The following SMARCA2 variants were observed in gnomAD, a reference collection of about 807,000 sequenced individuals.
SMARCA2 encodes the protein SWI/SNF-related matrix-associated actin-dependent regulator of chromatin subfamily A member 2.
A neutral mutation model predicts 199.8 loss-of-function variants in SMARCA2; 61 were observed. The observed-to-expected ratio is 0.31, with a 90% CI of 0.25 to 0.38. The LOEUF (loss-of-function observed/expected upper bound fraction) is 0.38. SMARCA2 is among the 10% of genes least tolerant of loss of function. The probability of loss-of-function intolerance (pLI) is 1.00; values close to 1 mark genes in which losing one functional copy is unlikely to be tolerated. For synonymous variants in SMARCA2, 935 were observed against 732.0 expected (o/e 1.28, Z -4.48); for missense variants, 1,344 against 2,012.2 (o/e 0.67, Z 6.35).
intron 28 of SMARCA2, among the ~76,000 whole-genome samples, chr9:2,167,511 C>T (rs1408471458): frequency 6.6e-6 from 1 of 152,226 alleles, no homozygotes; most frequent in African/African-American, 2.4e-5. Context: ...AGATACCTGC[C>T]TGGTCAGTGC....
intron 9 of SMARCA2, among the ~76,000 whole-genome samples, chr9:2,068,747 T>C (rs10121854): frequency 0.14 from 21,569 of 151,938 alleles, 1,829 homozygotes; most frequent in African/African-American, 0.23. Context: ...CTCATTATAC[T>C]ATGCAGAAAT....
At chr9:2,159,899 A>T (rs1325516139) in intron 27 of SMARCA2, 3 of 1,611,466 alleles carry the variant, frequency 1.9e-6, no homozygotes, top group Admixed American at 3.3e-5. Flanking sequence ...CGGCCTGCTG[A>T]TAGTGGTAAG....
In SMARCA2 at chr9:2,056,639, G is replaced by C; in HGVS notation, c.1174-33G>C. 1 of 1,593,914 alleles carries C rather than the reference G, an allele frequency of 6.3e-7. No individual in the cohort carries two copies. The highest frequency in any genetic ancestry group is 8.5e-7 in the Non-Finnish European group (1 of 1,171,068). ...GAGTTCAGGAACCTAGCTTCTGTTA[G>C]GGAAGGCTGTCTAACTGCTCTCTTC... On this transcript the variant is annotated intron_variant, in intron 6 of 33. Coordinates refer to ENST00000349721, the MANE Select transcript of SMARCA2 (RefSeq NM_003070.5). The surrounding 1 kb of genome is among the most constrained non-coding windows in gnomAD (Gnocchi z 4.0).
intron 21 of SMARCA2, among the ~76,000 whole-genome samples, chr9:2,098,496 G>A (rs1180363799): frequency 6.6e-6 from 1 of 152,168 alleles, no homozygotes; most frequent in Non-Finnish European, 1.5e-5. Context: ...TTCTGACACT[G>A]CTATTCAAGG....
intron 29 of SMARCA2, among the ~76,000 whole-genome samples, chr9:2,174,422 A>G (rs1188007169): frequency 2.0e-5 from 3 of 152,154 alleles, no homozygotes; most frequent in Admixed American, 6.5e-5. Context: ...CACACCTAAT[A>G]TGTCTTCCTT....
chr9:2,189,976 C>T (rs777239134), intron 32 of SMARCA2, among the ~76,000 whole-genome samples: 1 of 152,194 alleles, frequency 6.6e-6, no homozygotes, highest in Non-Finnish European at 1.5e-5. Context: ...TGCCTTGAGA[C>T]CCACCAAACA....
intron 27 of SMARCA2, among the ~76,000 whole-genome samples, chr9:2,142,307 G>T (rs1377461516): frequency 6.6e-6 from 1 of 152,218 alleles, no homozygotes; most frequent in African/African-American, 2.4e-5. Context: ...AAGGAAGTTG[G>T]CTTAATAGAA....
intron 30 of SMARCA2, 40 bp downstream of exon 30, chr9:2,181,716 A>G (rs1440188521): frequency 2.9e-6 from 3 of 1,045,804 alleles, no homozygotes; most frequent in Non-Finnish European, 4.5e-6. Context: ...TCAAGTAAAT[A>G]AAGGAGCAGT....
intron 27 of SMARCA2, among the ~76,000 whole-genome samples, chr9:2,137,299 C>G (rs888245696): frequency 1.3e-5 from 2 of 152,084 alleles, no homozygotes; most frequent in African/African-American, 4.8e-5. Flanking sequence ...AAAAATCGGC[C>G]CTGATGACCA....
At chr9:2,160,945 A>G in intron 27 of SMARCA2, 1 of 248,968 alleles carries the variant, frequency 4.0e-6, no homozygotes, top group Non-Finnish European at 7.7e-6. Flanking sequence ...CTTTATGAAC[A>G]GGTTTCTTTT....
At chr9:2,087,571 G>GA (rs1821855005) in intron 18 of SMARCA2, among the ~76,000 whole-genome samples, 1 of 151,218 alleles carries the variant, frequency 6.6e-6, no homozygotes, top group Non-Finnish European at 1.5e-5. Context: ...GTTTTAATGT[G>GA]ATTTTCAGTT....
At chr9:2,190,431 A>C (rs1247381908) in intron 32 of SMARCA2, among the ~76,000 whole-genome samples, 1 of 152,244 alleles carries the variant, frequency 6.6e-6, no homozygotes, top group Non-Finnish European at 1.5e-5. Flanking sequence ...TCAGGTATTT[A>C]AAAGAATTAG....
Position 2,056,907 on chromosome 9 carries a change from A to G in SMARCA2, c.1347+62A>G, listed in dbSNP as rs551705375. ...GCAGAGCTGTCCAATGAATTCATCA[A>G]ATGGGGTCAGAATGACTGAAAAATG... is the stretch of plus-strand genomic sequence containing the variant. On this transcript the variant is annotated intron_variant, in intron 7 of 33. Transcript: ENST00000349721. This position sits in a 1 kb window ranked among gnomAD's most constrained non-coding sequence, Gnocchi z 4.0. 18 of 1,485,478 alleles carry G rather than the reference A, an allele frequency of 1.2e-5. No individual in the cohort carries two copies. In the East Asian group the frequency reaches 4.0e-4, roughly 33 times the overall value. 92.0% of individuals were successfully genotyped at this position (1,485,478 alleles called of 1,614,324 possible). A position where few individuals can be genotyped will look rare whatever the true frequency, so the allele number is the denominator to read the frequency against.
chr9:2,157,629 TG>T, intron 27 of SMARCA2: 1 of 356,870 alleles, frequency 2.8e-6, no homozygotes, highest in Non-Finnish European at 5.0e-6. Context: ...CTCCTTTCAG[TG>T]TTAAGATGGT....
chr9:2,122,400 T>C (rs953113429), intron 26 of SMARCA2, among the ~76,000 whole-genome samples: 1 of 152,200 alleles, frequency 6.6e-6, no homozygotes, highest in Admixed American at 6.5e-5. Context: ...AGAACTGCTG[T>C]AAAGAAGGCA....
In SMARCA2 at chr9:2,128,233, T is replaced by C. The variant is rs536054053; in HGVS notation, c.3981+4296T>C. Among the ~76,000 whole-genome samples, 10 of 152,344 alleles carry C rather than the reference T, an allele frequency of 6.6e-5. No individual in the cohort carries two copies. In the East Asian group the frequency reaches 1.7e-3, roughly 26 times the overall value. ...CTTGCTCCCCATGGGTCTCCACTGA[T>C]CTCAGCATATAGCTGCTGGTCTGCT... On this transcript the variant is annotated intron_variant, in intron 27 of 33. Transcript: ENST00000349721.
Position 2,054,671 on chromosome 9 carries a change from C to T in SMARCA2, c.1121C>T (p.Thr374Ile). ...LPGSLPPDLR[T>I]KATVELKALR... ...GGCTCTTTGCCACCAGATTTAAGAACCAAAGCAACCGTGGAACTAAAAGCA... is the reference window on the plus strand; with the variant it reads ...GGCTCTTTGCCACCAGATTTAAGAATCAAAGCAACCGTGGAACTAAAAGCA... Residue 374 changes from threonine to isoleucine, a missense_variant, in exon 6 of 34, where the codon ACC becomes ATC. Coordinates refer to ENST00000349721, the MANE Select transcript of SMARCA2 (RefSeq NM_003070.5). The T allele has an allele frequency of 6.2e-7, 1 of 1,614,068 alleles. No individual in the cohort carries two copies. Among genetic ancestry groups the T allele is most frequent in the Non-Finnish European group, 8.5e-7 (1 of 1,179,976 alleles).
intron 8 of SMARCA2, among the ~76,000 whole-genome samples, chr9:2,060,422 T>C (rs1820537384): frequency 6.6e-6 from 1 of 152,224 alleles, no homozygotes; most frequent in South Asian, 2.1e-4. Flanking sequence ...ATTAAACTAT[T>C]CTCTCTGCTT....
At chr9:2,035,572 T>G (rs1345711115) in intron 3 of SMARCA2, among the ~76,000 whole-genome samples, 1 of 152,234 alleles carries the variant, frequency 6.6e-6, no homozygotes, top group East Asian at 1.9e-4. Context: ...AATGATGTCT[T>G]ATTTATCTTG....
Sources: allele counts gnomAD v4.1 joint callset (sites outside exome capture counted in the v4.1 genomes callset), GRCh38; gene constraint gnomAD v4.1.1; non-coding constraint Gnocchi (gnomAD v3.1); transcripts MANE v1.5; gene names NCBI Gene and HGNC (gene_info 2026-07-23, HGNC 2026-07-21).